Variants in CAB39 observed in about 807,000 individuals in gnomAD.
CAB39 encodes calcium-binding protein 39.
In CAB39, 8 loss-of-function variants were observed where a neutral mutation model predicts 40.0. The ratio of observed to expected loss-of-function variants is 0.20; its 90% CI spans 0.12 to 0.36. CAB39 has a LOEUF of 0.36. Ranked by LOEUF, CAB39 falls within the 10% of genes least tolerant of loss-of-function variation. CAB39 has a pLI of 1.00. For missense variants in CAB39, 270 were observed against 401.1 expected (o/e 0.67, Z 2.79); for synonymous variants, 156 against 141.6 (o/e 1.10, Z -0.72).
intron 1 of CAB39, among the ~76,000 whole-genome samples, chr2:230,734,000 A>G (rs1694741185): frequency 6.6e-6 from 1 of 152,212 alleles, no homozygotes; most frequent in Non-Finnish European, 1.5e-5. Context: ...CCCCAAAAGT[A>G]GATATGCAGA....
intron 1 of CAB39, among the ~76,000 whole-genome samples, chr2:230,717,413 G>A (rs935736607): frequency 3.3e-5 from 5 of 152,152 alleles, no homozygotes; most frequent in African/African-American, 1.2e-4. Context: ...TGTGCCCTTA[G>A]TGACTTTCCG....
intron 2 of CAB39, among the ~76,000 whole-genome samples, chr2:230,789,960 C>A (rs1045176782): frequency 6.6e-6 from 1 of 152,182 alleles, no homozygotes; most frequent in Non-Finnish European, 1.5e-5. Flanking sequence ...TTTGGCCAGG[C>A]ACGGTGGCTC....
At chr2:230,782,986 GTTT>G (rs1391147020) in intron 2 of CAB39, among the ~76,000 whole-genome samples, 1 of 150,288 alleles carries the variant, frequency 6.7e-6, no homozygotes, top group Non-Finnish European at 1.5e-5. Context: ...CTAATTTTTT[GTTT>G]TTGTTTTTGT....
In CAB39 at chr2:230,814,134, A is replaced by G. The variant is rs200958269; in HGVS notation, c.693+20A>G. 79 of 1,260,170 alleles carry G rather than the reference A, an allele frequency of 6.3e-5. No homozygotes were observed. In the African/African-American group the frequency reaches 1.0e-3, roughly 16 times the overall value. The allele number at this position is 1,260,170 out of a possible 1,614,324, so 78.1% of individuals were successfully genotyped here. On this transcript the variant is annotated intron_variant, in intron 7 of 8. Coordinates refer to ENST00000258418, the MANE Select transcript of CAB39 (RefSeq NM_016289.4). ...CTGAAGGTATGACAGACCATTTTGTATAGCTTATTTCTCTGTACCTTGTGT... is the reference window on the plus strand; with the variant it reads ...CTGAAGGTATGACAGACCATTTTGTGTAGCTTATTTCTCTGTACCTTGTGT...
At chr2:230,804,219 A>G (rs369269293) in intron 5 of CAB39, among the ~76,000 whole-genome samples, 1 of 152,134 alleles carries the variant, frequency 6.6e-6, no homozygotes. Context: ...GAAACTGGAC[A>G]CCTTCCTTAC....
intron 2 of CAB39, among the ~76,000 whole-genome samples, chr2:230,764,827 G>C (rs1695356487): frequency 6.6e-6 from 1 of 152,118 alleles, no homozygotes; most frequent in South Asian, 2.1e-4. Flanking sequence ...AATCACACAA[G>C]GGCTTTTCTT....
At chr2:230,809,602 A>G (rs1226523246) in intron 5 of CAB39, among the ~76,000 whole-genome samples, 7 of 152,158 alleles carry the variant, frequency 4.6e-5, no homozygotes, top group African/African-American at 1.7e-4. Context: ...CACTTAGTAA[A>G]TATTTCTGAA....
chr2:230,713,520 G>T, intron 1 of CAB39: 1 of 152,694 alleles, frequency 6.5e-6, no homozygotes, highest in East Asian at 1.9e-4. Flanking sequence ...CTCTGGCGGG[G>T]CTGGCGGCGC....
At chr2:230,811,675 T>G (rs1395063972) in intron 6 of CAB39, among the ~76,000 whole-genome samples, 1 of 152,216 alleles carries the variant, frequency 6.6e-6, no homozygotes, top group Non-Finnish European at 1.5e-5. Context: ...ATATAGTACC[T>G]GTCTACTGGG....
intron 2 of CAB39, among the ~76,000 whole-genome samples, chr2:230,789,216 C>CA (rs1268449863): frequency 1.3e-5 from 2 of 152,088 alleles, no homozygotes; most frequent in African/African-American, 2.4e-5. Context: ...CTAAGTGTTT[C>CA]ATTCAGGTGT....
intron 2 of CAB39, among the ~76,000 whole-genome samples, chr2:230,790,050 C>T (rs1051538233): frequency 2.0e-5 from 3 of 151,998 alleles, no homozygotes; most frequent in Non-Finnish European, 4.4e-5. Context: ...ATGGCAAAAC[C>T]CCATCTCTAC....
intron 5 of CAB39, among the ~76,000 whole-genome samples, chr2:230,804,922 ATAC>A (rs1474289286): frequency 6.6e-6 from 1 of 152,238 alleles, no homozygotes; most frequent in Non-Finnish European, 1.5e-5. Context: ...ATTACAAATC[ATAC>A]TACTATGAAG....
intron 1 of CAB39, among the ~76,000 whole-genome samples, chr2:230,734,473 A>G (rs1011103736): frequency 1.3e-5 from 2 of 152,056 alleles, no homozygotes; most frequent in Non-Finnish European, 2.9e-5. Flanking sequence ...CCATAGTACC[A>G]CCCACTGGAG....
At chr2:230,772,982 T>TAAAAAAAAAAAAAAAAAAAA (rs10713369) in intron 2 of CAB39, among the ~76,000 whole-genome samples, 1 of 115,084 alleles carries the variant, frequency 8.7e-6, no homozygotes, top group East Asian at 2.7e-4. Context: ...TACTCAGCAA[T>TAAAAAAAAAAAAAAAAAAAA]AAAAAAAAAA....
At chr2:230,730,683 A>G (rs1488135982) in intron 1 of CAB39, among the ~76,000 whole-genome samples, 3 of 152,144 alleles carry the variant, frequency 2.0e-5, no homozygotes. Flanking sequence ...ACCTCAGGTG[A>G]TCCACCTGCC....
rs1425990164 is a variant in CAB39, at chr2:230,727,408, TTC to T, written c.-44+14180_-44+14181del. ...TGTGTGTGTGTGTGTGTATTTTTTTTTCTTTTTCTTTTTTTTTTTTTTTTGAG... is the reference window on the plus strand; with the variant it reads ...TGTGTGTGTGTGTGTGTATTTTTTTTTTTTTCTTTTTTTTTTTTTTTTGAG... On this transcript the variant is annotated intron_variant, in intron 1 of 8. Coordinates refer to ENST00000258418, the MANE Select transcript of CAB39 (RefSeq NM_016289.4). Among the ~76,000 whole-genome samples, 699 of 134,876 alleles carry T rather than the reference TTC, an allele frequency of 5.2e-3. 4 individuals carry two copies. Among genetic ancestry groups the T allele is most frequent in the African/African-American group, 0.024 (666 of 27,734 alleles). 88.5% of individuals were successfully genotyped at this position (134,876 alleles called of 152,430 possible).
intron 1 of CAB39, among the ~76,000 whole-genome samples, chr2:230,724,468 G>A (rs1694518869): frequency 6.6e-6 from 1 of 151,866 alleles, no homozygotes; most frequent in South Asian, 2.1e-4. Context: ...GATCACCTGA[G>A]GTCAGGAGTT....
rs7596575 is a variant in CAB39 at position 230,819,134 on chromosome 2, A to G, written c.*430A>G. ...CAGATCGCGCACCTTCAGGTCGCGC[A>G]CCTTCGCTGAAGGAAGATGACGCAG... On this transcript the variant is annotated 3_prime_UTR_variant, in exon 9 of 9. Transcript: ENST00000258418. 0.27 allele frequency: 41,397 copies of G among 153,180 alleles called. 6,441 individuals carry two copies. Among genetic ancestry groups the G allele is most frequent in the African/African-American group, 0.43 (17,824 of 41,528 alleles). The allele number at this position is 153,180 out of a possible 1,614,324, so 9.5% of individuals were successfully genotyped here. A position where few individuals can be genotyped will look rare whatever the true frequency, so the allele number is the denominator to read the frequency against.
chr2:230,782,105 G>A (rs1322781572), intron 2 of CAB39, among the ~76,000 whole-genome samples: 1 of 152,062 alleles, frequency 6.6e-6, no homozygotes, highest in African/African-American at 2.4e-5. Flanking sequence ...ACCTCAGGTG[G>A]TCCGCCCGGC....
Sources: gnomAD v4.1 joint callset for allele counts (sites outside exome capture counted in the v4.1 genomes callset) on GRCh38, gnomAD v4.1.1 for gene constraint, MANE v1.5 for transcripts, NCBI Gene and HGNC (gene_info 2026-07-23, HGNC 2026-07-21) for gene names.